The following PCDHGB4 variants were observed in gnomAD, a reference collection of about 807,000 sequenced individuals.
PCDHGB4 encodes protocadherin gamma subfamily B, 4, also known as protocadherin gamma-B4.
Under a neutral mutation model 60.5 loss-of-function variants are expected in PCDHGB4, and 38 were observed. The ratio of observed to expected loss-of-function variants is 0.63; its 90% confidence interval spans 0.48 to 0.82. PCDHGB4 has a LOEUF of 0.82. Ranked by LOEUF, PCDHGB4 falls within the 40% of genes least tolerant of loss-of-function variation. The pLI is 0.00. For missense variants in PCDHGB4, 1,109 were observed against 1,209.6 expected (o/e 0.92, Z 1.23); for synonymous variants, 456 against 509.7 (o/e 0.89, Z 1.42).
chr5:141,415,461 T>G, intron 1 of PCDHGB4: 1 of 1,614,180 alleles, frequency 6.2e-7, no homozygotes, highest in African/African-American at 1.3e-5. Flanking sequence ...ACGAGGTCTC[T>G]CTCACCGCGG....
chr5:141,511,147 A>T lies in PCDHGB4; in HGVS notation c.2746A>T (p.Lys916Ter). The change falls in exon 4 of 4, where the codon AAG becomes TAG. Residue 916 changes from lysine to a stop codon, truncating the protein, a stop_gained. Coordinates refer to ENST00000519479, the MANE Select transcript of PCDHGB4 (RefSeq NM_003736.4). LOFTEE classifies it high-confidence loss of function. Reference sequence around the variant, plus strand: ...AGCAGGTGGCAATGGCAACAAGAAGAAGTCGGGCAAGAAGGAGAAGAAGTA... The same window carrying T: ...AGCAGGTGGCAATGGCAACAAGAAGTAGTCGGGCAAGAAGGAGAAGAAGTA... The part of the protein sequence containing the change: ...APAGGNGNKK[K>*]SGKKEKK 1 of 1,614,188 alleles carries T rather than the reference A, an allele frequency of 6.2e-7. No homozygotes were observed. Among genetic ancestry groups the T allele is most frequent in the East Asian group, 2.2e-5 (1 of 44,876 alleles).
In PCDHGB4 at chr5:141,485,145, A is replaced by G. The variant is rs766014792; in HGVS notation, c.2398-9662A>G. On this transcript the variant is annotated intron_variant, in intron 1 of 3. Coordinates refer to ENST00000519479, the MANE Select transcript of PCDHGB4 (RefSeq NM_003736.4). The surrounding 1 kb of genome is among the most constrained non-coding windows in gnomAD (Gnocchi z 5.7). Reference sequence around the variant, plus strand: ...GGGTCGGCTTCATCCGCGTCTCAGGAGCAAGTAGAGAATTAGCGGGCGGCA... The same window carrying G: ...GGGTCGGCTTCATCCGCGTCTCAGGGGCAAGTAGAGAATTAGCGGGCGGCA... The G allele has an allele frequency of 4.5e-6, 7 of 1,567,410 alleles. No individual in the cohort carries two copies. Among genetic ancestry groups the G allele is most frequent in the Non-Finnish European group, 6.1e-6 (7 of 1,142,014 alleles).
rs951029522 is a variant in PCDHGB4, at chr5:141,487,944, G to A, written c.2398-6863G>A. 6.6e-6 allele frequency among the ~76,000 whole-genome samples: 1 copy of A among 152,164 alleles called. No homozygotes were observed. Among genetic ancestry groups the A allele is most frequent in the Admixed American group, 6.5e-5 (1 of 15,282 alleles). On this transcript the variant is annotated intron_variant, in intron 1 of 3. Transcript: ENST00000519479. The surrounding 1 kb of genome is among the most constrained non-coding windows in gnomAD (Gnocchi z 5.0). ...ACAGTGCACAGGGTACAGTGCACCA[G>A]GCAGTCACTTGGACAAAGGTGGCTG...
At chr5:141,405,556 C>G in intron 1 of PCDHGB4, 1 of 619,826 alleles carries the variant, frequency 1.6e-6, no homozygotes, top group African/African-American at 1.8e-5. Flanking sequence ...AGTAGAGTAG[C>G]TGGGACTAGA....
At chr5:141,508,151 C>T (rs1306467936) in intron 3 of PCDHGB4, 1 of 152,548 alleles carries the variant, frequency 6.6e-6, no homozygotes, top group Admixed American at 6.5e-5. Flanking sequence ...GGCTGAGTTT[C>T]CCTGAGTAGA....
intron 1 of PCDHGB4, among the ~76,000 whole-genome samples, chr5:141,474,185 C>A (rs1481544975): frequency 6.6e-6 from 1 of 152,180 alleles, no homozygotes; most frequent in Non-Finnish European, 1.5e-5. Flanking sequence ...AAACTACTTA[C>A]ATTTTTAAAA....
At chr5:141,415,257 T>G in intron 1 of PCDHGB4, 1 of 1,614,170 alleles carries the variant, frequency 6.2e-7, no homozygotes, top group Non-Finnish European at 8.5e-7. Flanking sequence ...CAGACCTCAC[T>G]CTGTACCTGG....
chr5:141,475,749 A>G (rs1039777629), intron 1 of PCDHGB4, among the ~76,000 whole-genome samples: 13 of 152,278 alleles, frequency 8.5e-5, no homozygotes, highest in Admixed American at 6.5e-5. Context: ...TAGGTTTCCT[A>G]TGCACCGATA....
intron 1 of PCDHGB4, among the ~76,000 whole-genome samples, chr5:141,437,556 T>C (rs1427506223): frequency 6.6e-6 from 1 of 152,228 alleles, no homozygotes; most frequent in African/African-American, 2.4e-5. Context: ...CTTTATGACA[T>C]GTAACAGAGT....
At chr5:141,410,828 C>A in intron 1 of PCDHGB4, 4 of 377,748 alleles carry the variant, frequency 1.1e-5, no homozygotes, top group Non-Finnish European at 1.8e-5. Context: ...TGTCACCAGA[C>A]TGAAGATATT....
chr5:141,426,270 G>A lies in PCDHGB4; in HGVS notation c.2397+35989G>A, dbSNP rs999517850. On this transcript the variant is annotated intron_variant, in intron 1 of 3. Coordinates refer to ENST00000519479, the MANE Select transcript of PCDHGB4 (RefSeq NM_003736.4). Reference sequence around the variant, plus strand: ...TTTTCTCTTAACGTCGGAGACTGCAGCAACGCATGGGAAGGATGGGAAACA... The same window carrying A: ...TTTTCTCTTAACGTCGGAGACTGCAACAACGCATGGGAAGGATGGGAAACA... 2.6e-4 allele frequency: 43 copies of A among 163,626 alleles called. 1 individual carries two copies. The highest frequency in any genetic ancestry group is 3.0e-3 in the Middle Eastern group (1 of 328). 10.1% of individuals were successfully genotyped at this position (163,626 alleles called of 1,614,324 possible).
At chr5:141,420,453 C>A (rs1026053173) in intron 1 of PCDHGB4, 76 of 977,580 alleles carry the variant, frequency 7.8e-5, no homozygotes, top group Non-Finnish European at 8.8e-5. Context: ...AGTCTTCCTA[C>A]TATTCAAAGA....
intron 1 of PCDHGB4, chr5:141,408,968 C>T (rs752629281): frequency 6.2e-7 from 1 of 1,613,702 alleles, no homozygotes; most frequent in Non-Finnish European, 8.5e-7. Context: ...TGAAAATCTG[C>T]CCCCTGGGTC....
Position 141,478,910 on chromosome 5 carries a change from A to G in PCDHGB4, c.2398-15897A>G, listed in dbSNP as rs568573298. On this transcript the variant is annotated intron_variant, in intron 1 of 3. Transcript: ENST00000519479. ...ATTTACATTAGGAATAAGCTGCTGG[A>G]TACCTCTAACCAGTGGCAGCTTCTA... 5.3e-4 allele frequency: 474 copies of G among 893,806 alleles called. 7 individuals are homozygous for G. The South Asian group carries it at 6.8e-3, about 13-fold the overall frequency. 55.4% of individuals were successfully genotyped at this position (893,806 alleles called of 1,614,324 possible).
intron 1 of PCDHGB4, among the ~76,000 whole-genome samples, chr5:141,438,976 C>T (rs2098079529): frequency 6.6e-6 from 1 of 151,928 alleles, no homozygotes; most frequent in Non-Finnish European, 1.5e-5. Context: ...AACTGTCTGA[C>T]TTATCTTAAA....
intron 1 of PCDHGB4, chr5:141,393,440 C>G (rs777552488): frequency 6.2e-7 from 1 of 1,614,042 alleles, no homozygotes; most frequent in Admixed American, 1.7e-5. Context: ...CTGCTCACCA[C>G]CTGGTCCTCA....
intron 1 of PCDHGB4, among the ~76,000 whole-genome samples, chr5:141,466,748 G>A (rs562859284): frequency 6.6e-6 from 1 of 152,238 alleles, no homozygotes; most frequent in South Asian, 2.1e-4. Context: ...TACTCTGATA[G>A]GGGCTCTTTT....
intron 1 of PCDHGB4, chr5:141,399,297 T>A (rs370898446): frequency 6.2e-7 from 1 of 1,613,830 alleles, no homozygotes; most frequent in African/African-American, 1.3e-5. Context: ...CTTTTAAGAT[T>A]ATCTCTTCAT....
In PCDHGB4 at chr5:141,432,688, A is replaced by T; in HGVS notation, c.2397+42407A>T. 1 of 1,613,896 alleles carries T rather than the reference A, an allele frequency of 6.2e-7. No homozygotes were observed. The highest frequency in any genetic ancestry group is 1.1e-5 in the South Asian group (1 of 91,078). ...GAGACGCGCTCAAGCAGAGCCTCGTAGTGGCCGTCCAGGACCACGGCCAGC... is the reference window on the plus strand; with the variant it reads ...GAGACGCGCTCAAGCAGAGCCTCGTTGTGGCCGTCCAGGACCACGGCCAGC... On this transcript the variant is annotated intron_variant, in intron 1 of 3. Transcript: ENST00000519479. This position sits in a 1 kb window ranked among gnomAD's most constrained non-coding sequence, Gnocchi z 6.0.
Sources: allele counts gnomAD v4.1 joint callset (sites outside exome capture counted in the v4.1 genomes callset), GRCh38; gene constraint gnomAD v4.1.1; non-coding constraint Gnocchi (gnomAD v3.1); transcripts MANE v1.5; gene names NCBI Gene and HGNC (gene_info 2026-07-23, HGNC 2026-07-21).